The following CTNNA3 variants were observed in gnomAD, a reference collection of about 807,000 sequenced individuals.
CTNNA3 encodes catenin alpha-3.
CTNNA3 carries 76 observed loss-of-function variants against 95.7 expected under a neutral mutation model. The ratio of observed to expected loss-of-function variants is 0.79; its 90% CI spans 0.66 to 0.96. The LOEUF (loss-of-function observed/expected upper bound fraction) is 0.96. Ranked by LOEUF, CTNNA3 falls within the 40% of genes least tolerant of loss-of-function variation. The pLI, the probability that CTNNA3 is intolerant of heterozygous loss-of-function variation, is 0.00. For synonymous variants in CTNNA3, 431 were observed against 374.4 expected, an observed-to-expected ratio of 1.15 and a Z score of -1.74; for missense variants, 1,191 against 1,089.8, an observed-to-expected ratio of 1.09 and a Z score of -1.31.
chr10:66,336,823 A>C (rs1421418440), intron 12 of CTNNA3, among the ~76,000 whole-genome samples: 1 of 152,126 alleles, frequency 6.6e-6, no homozygotes, highest in South Asian at 2.1e-4. Flanking sequence ...AGAGTGGTCC[A>C]GGGCCTCCAG....
intron 15 of CTNNA3, among the ~76,000 whole-genome samples, chr10:66,013,960 T>G (rs930512322): frequency 6.6e-6 from 1 of 152,214 alleles, no homozygotes; most frequent in Admixed American, 6.5e-5. Flanking sequence ...ACCTGTCAAG[T>G]GTATTAATAC....
intron 17 of CTNNA3, among the ~76,000 whole-genome samples, chr10:65,938,382 TTC>T (rs1211717418): frequency 1.3e-5 from 2 of 152,150 alleles, no homozygotes; most frequent in Non-Finnish European, 2.9e-5. Context: ...AGAATTTAAA[TTC>T]TCTCTCTTCT....
intron 5 of CTNNA3, among the ~76,000 whole-genome samples, chr10:67,436,828 T>C (rs1846318415): frequency 6.6e-6 from 1 of 152,086 alleles, no homozygotes; most frequent in African/African-American, 2.4e-5. Flanking sequence ...AAACAGTAGA[T>C]GTTGGCATGG....
At chr10:67,062,282 G>A (rs569942799) in intron 7 of CTNNA3, among the ~76,000 whole-genome samples, 7 of 152,060 alleles carry the variant, frequency 4.6e-5, no homozygotes, top group Non-Finnish European at 7.4e-5. Context: ...GTAACTTATA[G>A]CATATAAGCT....
intron 14 of CTNNA3, among the ~76,000 whole-genome samples, chr10:66,070,964 G>A (rs997445197): frequency 6.6e-6 from 1 of 151,788 alleles, no homozygotes; most frequent in Admixed American, 6.6e-5. Flanking sequence ...AGAGAATTCT[G>A]GTCCTTTTTC....
chr10:66,033,869 T>C (rs1021637334), intron 15 of CTNNA3, among the ~76,000 whole-genome samples: 2 of 152,142 alleles, frequency 1.3e-5, no homozygotes, highest in Admixed American at 6.5e-5. Context: ...CCTACTTCCT[T>C]CCCTGCAATA....
At chr10:67,416,654 A>T (rs1845559053) in intron 5 of CTNNA3, among the ~76,000 whole-genome samples, 1 of 151,626 alleles carries the variant, frequency 6.6e-6, no homozygotes, top group African/African-American at 2.4e-5. Context: ...GGACATGAAC[A>T]GACACTTCTC....
chr10:66,809,955 C>T (rs117100232), intron 7 of CTNNA3, among the ~76,000 whole-genome samples: 13,737 of 152,114 alleles, frequency 0.09, 820 homozygotes, highest in Non-Finnish European at 0.13. Context: ...CAGGCAACTG[C>T]TACCATGCCC....
chr10:67,234,486 T>G (rs905436223), intron 5 of CTNNA3, among the ~76,000 whole-genome samples: 1 of 152,172 alleles, frequency 6.6e-6, no homozygotes, highest in African/African-American at 2.4e-5. Flanking sequence ...AAACTCTCAA[T>G]AAATTAGGTA....
intron 5 of CTNNA3, among the ~76,000 whole-genome samples, chr10:67,423,083 T>C (rs1845804336): frequency 6.6e-6 from 1 of 152,194 alleles, no homozygotes; most frequent in South Asian, 2.1e-4. Flanking sequence ...GAATTTTCTT[T>C]AAATAAGCCA....
chr10:67,465,011 GCT>G (rs1374559457), intron 5 of CTNNA3, among the ~76,000 whole-genome samples: 2 of 151,988 alleles, frequency 1.3e-5, no homozygotes, highest in Non-Finnish European at 2.9e-5. Flanking sequence ...CTGTGTTTTT[GCT>G]GTCTCTCATA....
At chr10:67,035,670 C>T (rs1261829963) in intron 7 of CTNNA3, among the ~76,000 whole-genome samples, 1 of 152,128 alleles carries the variant, frequency 6.6e-6, no homozygotes, top group African/African-American at 2.4e-5. Context: ...TCCCTCAGTA[C>T]TCAAAATTCA....
intron 6 of CTNNA3, among the ~76,000 whole-genome samples, chr10:67,214,962 T>C (rs1041974078): frequency 1.3e-5 from 2 of 152,098 alleles, no homozygotes; most frequent in Non-Finnish European, 2.9e-5. Flanking sequence ...TTCTTAGCTA[T>C]AGAGAATGGT....
chr10:67,225,379 T>C (rs557893927), intron 5 of CTNNA3, among the ~76,000 whole-genome samples: 1 of 152,220 alleles, frequency 6.6e-6, no homozygotes, highest in Admixed American at 6.5e-5. Context: ...CAGCTGATGC[T>C]CTCTACAAAA....
intron 17 of CTNNA3, among the ~76,000 whole-genome samples, chr10:65,963,014 CA>C (rs2077882996): frequency 1.3e-5 from 2 of 152,128 alleles, no homozygotes; most frequent in South Asian, 4.1e-4. Flanking sequence ...CTGCAATAAA[CA>C]TCTTAGACTA....
chr10:67,201,195 G>A (rs1214906104), intron 6 of CTNNA3, among the ~76,000 whole-genome samples: 3 of 152,182 alleles, frequency 2.0e-5, no homozygotes, highest in South Asian at 2.1e-4. Flanking sequence ...GCCTGTTAGA[G>A]ACAGCATGGT....
At chr10:67,703,197 A>T (rs1276809585) in intron 1 of CTNNA3, among the ~76,000 whole-genome samples, 2 of 152,234 alleles carry the variant, frequency 1.3e-5, no homozygotes, top group African/African-American at 4.8e-5. Context: ...TACCAGAGGT[A>T]CAAACAGGAG....
At chr10:66,957,278 A>C (rs1848839486) in intron 7 of CTNNA3, among the ~76,000 whole-genome samples, 1 of 151,732 alleles carries the variant, frequency 6.6e-6, no homozygotes, top group Admixed American at 6.6e-5. Flanking sequence ...TCCTAAATTT[A>C]CTATTTGCTC....
At position 66,227,741 on chromosome 10, in the gene CTNNA3, C is replaced by G. The variant is rs150988065; in HGVS notation, c.1884+52729G>C. On this transcript the variant is annotated intron_variant, in intron 13 of 17. Coordinates refer to ENST00000433211, the MANE Select transcript of CTNNA3 (RefSeq NM_013266.4). ...TTACTTTTTTGCAAAATTGTGAGAA[C>G]TGATTTTAGTTCTTTAAAAATTTGG... is the stretch of plus-strand genomic sequence containing the variant. Among the ~76,000 whole-genome samples, 37 of 152,138 alleles carry G rather than the reference C, an allele frequency of 2.4e-4. No homozygotes were observed. In the East Asian group the frequency reaches 7.0e-3, roughly 29 times the overall value.
Sources: gnomAD v4.1 joint callset for allele counts (sites outside exome capture counted in the v4.1 genomes callset) on GRCh38, gnomAD v4.1.1 for gene constraint, MANE v1.5 for transcripts, NCBI Gene and HGNC (gene_info 2026-07-23, HGNC 2026-07-21) for gene names.